PTPRD: variants seen among roughly 807,000 people sequenced by gnomAD.
PTPRD encodes the protein receptor-type tyrosine-protein phosphatase delta.
PTPRD carries 34 observed loss-of-function variants against 214.5 expected under a neutral mutation model. That is an observed-to-expected ratio of 0.16 (90% CI 0.12 to 0.21). PTPRD has a LOEUF of 0.21. Among genes scored for constraint, PTPRD ranks in the 10% least tolerant of loss-of-function variants. The pLI, the probability that PTPRD is intolerant of heterozygous loss-of-function variation, is 1.00. For missense variants in PTPRD, 2,545 were observed against 2,398.7 expected, an observed-to-expected ratio of 1.06 and a Z score of -1.27; for synonymous variants, 1,128 against 845.7, an observed-to-expected ratio of 1.33 and a Z score of -5.79.
chr9:8,518,034 C>T lies in PTPRD; in HGVS notation c.1357G>A (p.Val453Ile), dbSNP rs2097817809. The T allele has an allele frequency of 6.2e-7, 1 of 1,614,186 alleles. No homozygotes were observed. The highest frequency in any genetic ancestry group is 1.7e-5 in the Admixed American group (1 of 60,018). The change falls in exon 21 of 46, where the codon GTT becomes ATT. Residue 453 changes from valine (V) to isoleucine (I), a missense_variant. By Grantham distance (29) the Val-to-Ile change is conservative. Transcript: ENST00000381196. The part of the protein sequence containing the change: ...EPNGQIQGYR[V>I]YYTMDPTQHV... The stretch of plus-strand genomic sequence containing the variant: ...TGAGTGGGATCCATTGTATAATAAA[C>T]TCTATATCCTTGGATCTGTCCATTT...
In PTPRD at chr9:9,757,783, C is replaced by T. The variant is rs145608915; in HGVS notation, c.-326+9027G>A. Among the ~76,000 whole-genome samples the T allele has an allele frequency of 2.2e-3, 331 of 151,946 alleles. 3 individuals are homozygous for T. Among genetic ancestry groups the T allele is most frequent in the Middle Eastern group, 0.02 (6 of 294 alleles). On this transcript the variant is annotated intron_variant, in intron 6 of 45. Transcript: ENST00000381196. ...AAATCTTCATCATGAATTCATAAGC[C>T]ATCCTTCCAAAAATATGTATATACT... is the stretch of plus-strand genomic sequence containing the variant.
At chr9:8,729,600 C>T (rs1354262852) in intron 12 of PTPRD, among the ~76,000 whole-genome samples, 1 of 152,168 alleles carries the variant, frequency 6.6e-6, no homozygotes, top group Non-Finnish European at 1.5e-5. Flanking sequence ...TCAGCAAATC[C>T]TCGCAAAACC....
chr9:8,695,819 T>A (rs1170525312), intron 12 of PTPRD, among the ~76,000 whole-genome samples: 3 of 152,186 alleles, frequency 2.0e-5, no homozygotes, highest in African/African-American at 7.2e-5. Flanking sequence ...TTTCACTTTG[T>A]TTTAGCATAT....
chr9:10,292,929 C>T (rs2095571160), intron 3 of PTPRD, among the ~76,000 whole-genome samples: 2 of 151,816 alleles, frequency 1.3e-5, no homozygotes, highest in South Asian at 4.1e-4. Context: ...TAAGTCACTA[C>T]AAATAATGGC....
At chr9:10,267,296 G>C in intron 3 of PTPRD, among the ~76,000 whole-genome samples, 1 of 151,758 alleles carries the variant, frequency 6.6e-6, no homozygotes, top group East Asian at 1.9e-4. Context: ...ATAAAAAATA[G>C]ATATACAAAT....
intron 9 of PTPRD, among the ~76,000 whole-genome samples, chr9:9,383,223 C>A (rs969917805): frequency 7.9e-5 from 12 of 151,996 alleles, no homozygotes; most frequent in Non-Finnish European, 1.8e-4. Flanking sequence ...TCCAACTAGA[C>A]TATATACTCC....
At chr9:9,759,235 T>G (rs1480287250) in intron 6 of PTPRD, among the ~76,000 whole-genome samples, 1 of 152,194 alleles carries the variant, frequency 6.6e-6, no homozygotes, top group African/African-American at 2.4e-5. Flanking sequence ...CTGTGTTCAG[T>G]CAGTCTGTAC....
At chr9:9,924,459 A>G (rs2083570342) in intron 5 of PTPRD, among the ~76,000 whole-genome samples, 1 of 152,006 alleles carries the variant, frequency 6.6e-6, no homozygotes, top group Admixed American at 6.6e-5. Flanking sequence ...TCCTATTTAT[A>G]AAAATAAAAG....
At chr9:10,078,173 T>C (rs1037688855) in intron 3 of PTPRD, among the ~76,000 whole-genome samples, 4 of 151,608 alleles carry the variant, frequency 2.6e-5, no homozygotes, top group African/African-American at 9.7e-5. Flanking sequence ...TAATCAAATA[T>C]CTTATACCAA....
chr9:10,501,080 G>T (rs1325712310), intron 2 of PTPRD, among the ~76,000 whole-genome samples: 1 of 151,984 alleles, frequency 6.6e-6, no homozygotes, highest in East Asian at 1.9e-4. Context: ...GTATCTTATG[G>T]TAGCTCTATT....
At position 9,268,066 on chromosome 9, in the gene PTPRD, CA is replaced by C. The variant is rs527289156; in HGVS notation, c.-202-84704del. On this transcript the variant is annotated intron_variant, in intron 9 of 45. Transcript: ENST00000381196. ...GAAAAGAAATAAAAGGCATCCAAAT[CA>C]AAAGAAAAAATTGTCTCTGTTTTTG... is the stretch of plus-strand genomic sequence containing the variant. Among the ~76,000 whole-genome samples the C allele has an allele frequency of 4.3e-3, 641 of 150,594 alleles. 2 individuals are homozygous for C. Among genetic ancestry groups the C allele is most frequent in the African/African-American group, 0.015 (614 of 41,268 alleles).
chr9:10,447,590 A>G (rs2130638942), intron 2 of PTPRD, among the ~76,000 whole-genome samples: 1 of 152,114 alleles, frequency 6.6e-6, no homozygotes, highest in Middle Eastern at 3.4e-3. Flanking sequence ...AAAAACAATA[A>G]TATAACTAAT....
At chr9:9,444,013 T>C (rs2089411790) in intron 8 of PTPRD, among the ~76,000 whole-genome samples, 1 of 152,186 alleles carries the variant, frequency 6.6e-6, no homozygotes, top group Non-Finnish European at 1.5e-5. Flanking sequence ...ATATGGACTT[T>C]ATCTTCATTA....
chr9:9,412,597 G>C (rs566176782), intron 8 of PTPRD, among the ~76,000 whole-genome samples: 2 of 152,082 alleles, frequency 1.3e-5, no homozygotes, highest in Non-Finnish European at 2.9e-5. Flanking sequence ...GTCACTACGC[G>C]AAGGGGTTTA....
At chr9:9,301,494 TTG>T (rs1955286274) in intron 9 of PTPRD, among the ~76,000 whole-genome samples, 1 of 144,922 alleles carries the variant, frequency 6.9e-6, no homozygotes, top group Non-Finnish European at 1.5e-5. Flanking sequence ...TTTCGTTACC[TTG>T]GGAAATTTTG....
At chr9:8,998,202 T>A (rs2099404349) in intron 11 of PTPRD, among the ~76,000 whole-genome samples, 1 of 152,084 alleles carries the variant, frequency 6.6e-6, no homozygotes, top group South Asian at 2.1e-4. Flanking sequence ...AGGCTTCTAT[T>A]GGAAGAAGAT....
intron 4 of PTPRD, among the ~76,000 whole-genome samples, chr9:9,999,447 C>A (rs1166327195): frequency 6.6e-6 from 1 of 152,196 alleles, no homozygotes; most frequent in Non-Finnish European, 1.5e-5. Flanking sequence ...CAAAATTTGC[C>A]ACCAAATATT....
At chr9:9,058,083 A>G (rs147789749) in intron 10 of PTPRD, among the ~76,000 whole-genome samples, 8 of 152,300 alleles carry the variant, frequency 5.3e-5, no homozygotes, top group African/African-American at 1.9e-4. Flanking sequence ...GGACTCCTTA[A>G]ACACTTATTT....
At chr9:9,587,714 G>A (rs2092233689) in intron 7 of PTPRD, among the ~76,000 whole-genome samples, 1 of 151,928 alleles carries the variant, frequency 6.6e-6, no homozygotes. Context: ...CTGGGGATCT[G>A]GATGGAGCTG....
Sources: allele counts gnomAD v4.1 joint callset (sites outside exome capture counted in the v4.1 genomes callset), GRCh38; gene constraint gnomAD v4.1.1; transcripts MANE v1.5; gene names NCBI Gene and HGNC (gene_info 2026-07-23, HGNC 2026-07-21).